Variants in MED12L observed in about 807,000 individuals in gnomAD.
MED12L encodes the protein mediator complex subunit 12L.
A neutral mutation model predicts 281.3 loss-of-function variants in MED12L; 60 were observed. The ratio of observed to expected loss-of-function variants is 0.21; its 90% confidence interval spans 0.17 to 0.26. The LOEUF is 0.26. MED12L is among the 10% of genes least tolerant of loss of function. The pLI is 1.00. For missense variants in MED12L, 2,146 were observed against 2,680.9 expected, an observed-to-expected ratio of 0.80 and a Z score of 4.41; for synonymous variants, 974 against 987.2, an observed-to-expected ratio of 0.99 and a Z score of 0.25.
intron 16 of MED12L, chr3:151,294,216 C>T (rs778303475): frequency 5.6e-6 from 9 of 1,613,122 alleles, no homozygotes; most frequent in East Asian, 2.2e-5. Context: ...GATCTTCTCA[C>T]ACTTTGCAGT....
intron 32 of MED12L, among the ~76,000 whole-genome samples, chr3:151,380,964 C>T (rs906043329): frequency 6.6e-6 from 1 of 152,140 alleles, no homozygotes; most frequent in African/African-American, 2.4e-5. Flanking sequence ...CAACCAAGTA[C>T]ACAAGAAATA....
At chr3:151,128,078 T>G in intron 5 of MED12L, 94 bp downstream of exon 5, 1 of 1,141,734 alleles carries the variant, frequency 8.8e-7, no homozygotes, top group Non-Finnish European at 1.3e-6. Context: ...GCATGGTGAG[T>G]GTTGAGAAGG....
chr3:151,283,421 T>TG (rs1389845027), intron 16 of MED12L, among the ~76,000 whole-genome samples: 1 of 152,028 alleles, frequency 6.6e-6, no homozygotes, highest in Non-Finnish European at 1.5e-5. Flanking sequence ...CTTTTCAGTA[T>TG]TTTTTTTGGA....
chr3:151,383,828 A>G lies in MED12L; in HGVS notation c.4730A>G (p.Asp1577Gly). ...CAGAGGAGCACCCAGTGGACTACAG[A>G]CTGGGCCCTGCTACTCCTTCAGATC... ...TVQRSTQWTTDWALLLLQIIT... is the reference protein window; with the variant it reads ...TVQRSTQWTTGWALLLLQIIT... The change falls in exon 34 of 45, where the codon GAC becomes GGC. Residue 1577 changes from aspartate (D) to glycine (G), a missense_variant. By Grantham distance (94) the Asp-to-Gly change is moderately conservative. Transcript: ENST00000687756. The G allele has an allele frequency of 1.2e-6, 2 of 1,614,084 alleles. No individual in the cohort carries two copies. Among genetic ancestry groups the G allele is most frequent in the Non-Finnish European group, 1.7e-6 (2 of 1,179,958 alleles).
chr3:151,115,492 G>C (rs1218905409), intron 2 of MED12L, among the ~76,000 whole-genome samples: 2 of 151,274 alleles, frequency 1.3e-5, no homozygotes, highest in African/African-American at 4.9e-5. Context: ...GGGATCACAG[G>C]CACCTGCCAC....
intron 16 of MED12L, among the ~76,000 whole-genome samples, chr3:151,265,307 TAA>T (rs999463842): frequency 2.0e-5 from 3 of 152,088 alleles, no homozygotes; most frequent in African/African-American, 7.2e-5. Flanking sequence ...CTTTTAAAGT[TAA>T]AGAGATCAGG....
chr3:151,284,860 G>A (rs1166287798), intron 16 of MED12L, among the ~76,000 whole-genome samples: 2 of 152,030 alleles, frequency 1.3e-5, no homozygotes, highest in Non-Finnish European at 1.5e-5. Context: ...CACCCACCTT[G>A]GCCTCCCAAA....
At chr3:151,416,564 A>G (rs1717580715) in intron 43 of MED12L, 142 bp downstream of exon 43, 1 of 753,592 alleles carries the variant, frequency 1.3e-6, no homozygotes, top group Admixed American at 2.9e-5. Context: ...CTAGAGTTTT[A>G]TTGTCATTGT....
Position 151,378,131 on chromosome 3 carries a change from G to A in MED12L, c.4436G>A (p.Gly1479Asp). The A allele has an allele frequency of 1.9e-6, 3 of 1,611,166 alleles. No individual in the cohort carries two copies. The highest frequency in any genetic ancestry group is 2.2e-5 in the South Asian group (2 of 90,732). Residue 1479 changes from glycine to aspartate, a missense_variant, in exon 31 of 45, where the codon GGT becomes GAT. Physicochemically the swap from Gly to Asp is moderately conservative, Grantham distance 94 (BLOSUM62 -1). Around this residue, in one of 9 missense-constraint regions of MED12L, gnomAD observed 212 missense variants for 340.8 expected, o/e 0.62. Coordinates refer to ENST00000687756, the MANE Select transcript of MED12L (RefSeq NM_001393769.1). Reference sequence around the variant, plus strand: ...GAGCTGGAGAAGGGACAGCACTTGGGTTCTTCTTCCAAAAAGGAAAGGGAC... The same window carrying A: ...GAGCTGGAGAAGGGACAGCACTTGGATTCTTCTTCCAAAAAGGAAAGGGAC... ...GEELEKGQHL[G>D]SSSKKERDRQ...
At chr3:151,114,565 G>C (rs929812106) in intron 2 of MED12L, among the ~76,000 whole-genome samples, 2 of 152,158 alleles carry the variant, frequency 1.3e-5, no homozygotes, top group African/African-American at 4.8e-5. Context: ...AGAGGAATAA[G>C]TGTATCTTAT....
intron 5 of MED12L, among the ~76,000 whole-genome samples, chr3:151,141,187 G>GTTGTTTTTTTTTTTTTT (rs1716932445): frequency 1.0e-5 from 1 of 99,108 alleles, no homozygotes; most frequent in Non-Finnish European, 1.9e-5. Context: ...TGTTTTTTTT[G>GTTGTTTTTTTTTTTTTT]TTTTTTTTTT....
At chr3:151,432,635 GGCCATTCTGTTTCCCTGTACCTGCA>G in intron 44 of MED12L, 92 bp from the exon 45 acceptor site, 1 of 740,020 alleles carries the variant, frequency 1.4e-6, no homozygotes. Flanking sequence ...AGTACTCTCC[GGCCATTCTGTTTCCCTGTACCTGCA>G]GCTGGTACTG....
intron 16 of MED12L, among the ~76,000 whole-genome samples, chr3:151,224,928 C>G (rs1730188089): frequency 6.6e-6 from 1 of 152,104 alleles, no homozygotes; most frequent in Admixed American, 6.5e-5. Context: ...CTCACTAAAG[C>G]CATCAGAACA....
intron 16 of MED12L, among the ~76,000 whole-genome samples, chr3:151,261,786 A>G (rs1265885707): frequency 6.6e-6 from 1 of 152,078 alleles, no homozygotes; most frequent in Non-Finnish European, 1.5e-5. Flanking sequence ...GTGCAGTGGT[A>G]TGATCTTGGC....
Position 151,350,051 on chromosome 3 carries a change from T to C in MED12L, c.2251-8T>C. On this transcript the variant is annotated splice_region_variant and splice_polypyrimidine_tract_variant and intron_variant, in intron 16 of 44. Coordinates refer to ENST00000687756, the MANE Select transcript of MED12L (RefSeq NM_001393769.1). ...CAAGAGTTTCAGAATGCATTTTCTG[T>C]TTTTCAGGATGAATCTTCAAGTCAT... 6.2e-7 allele frequency: 1 copy of C among 1,606,596 alleles called. No homozygotes were observed. Among genetic ancestry groups the C allele is most frequent in the Non-Finnish European group, 8.5e-7 (1 of 1,175,234 alleles).
In MED12L at chr3:151,206,846, G is replaced by A. The variant is rs189526462; in HGVS notation, c.2250+13180G>A. 6.8e-3 allele frequency among the ~76,000 whole-genome samples: 1,026 copies of A among 151,444 alleles called. 6 individuals are homozygous for A. The highest frequency in any genetic ancestry group is 0.01 in the Non-Finnish European group (711 of 67,824). On this transcript the variant is annotated intron_variant, in intron 16 of 44. Transcript: ENST00000687756. The stretch of plus-strand genomic sequence containing the variant: ...TTTTTAGTAGAGATGGGGTTTCACC[G>A]TGTTAGCCAGGATGGTTTCGATCTC...
At position 151,086,906 on chromosome 3, in the gene MED12L, C is replaced by A. The variant is rs759358679; in HGVS notation, c.-21C>A. ...CTCCAGCTCCAACTCTCATTCATTT[C>A]GCCGGTTAACATGAGAGATCATGGC... is the stretch of plus-strand genomic sequence containing the variant. On this transcript the variant is annotated 5_prime_UTR_variant, in exon 2 of 45. Coordinates refer to ENST00000687756, the MANE Select transcript of MED12L (RefSeq NM_001393769.1). The A allele has an allele frequency of 1.3e-6, 2 of 1,560,870 alleles. No individual in the cohort carries two copies. The highest frequency in any genetic ancestry group is 1.2e-5 in the South Asian group (1 of 85,232).
chr3:151,434,286 A>G lies in MED12L; in HGVS notation c.*1482A>G, dbSNP rs1315553014. ...TTTTCTTTTGCAAATCATTATCTAT[A>G]AATAATTTATATCTTCCTGGGTGAG... is the stretch of plus-strand genomic sequence containing the variant. On this transcript the variant is annotated 3_prime_UTR_variant, in exon 45 of 45. Transcript: ENST00000687756. 1 of 152,140 alleles carries G rather than the reference A, an allele frequency of 6.6e-6. No individual in the cohort carries two copies. Among genetic ancestry groups the G allele is most frequent in the Non-Finnish European group, 1.5e-5 (1 of 68,022 alleles). 9.4% of individuals were successfully genotyped at this position (152,140 alleles called of 1,614,324 possible). A position where few individuals can be genotyped will look rare whatever the true frequency, so the allele number is the denominator to read the frequency against.
intron 14 of MED12L, among the ~76,000 whole-genome samples, chr3:151,192,323 T>C (rs1724097805): frequency 6.6e-6 from 1 of 152,240 alleles, no homozygotes. Context: ...GTTTGTGTGC[T>C]CTTCTCTTAA....
Sources: gnomAD v4.1 joint callset for allele counts (sites outside exome capture counted in the v4.1 genomes callset) on GRCh38, gnomAD v4.1.1 for gene constraint, gnomAD v4.1.1 regional missense constraint, MANE v1.5 for transcripts, NCBI Gene and HGNC (gene_info 2026-07-23, HGNC 2026-07-21) for gene names.